Variants in UBLCP1 observed in about 807,000 individuals in gnomAD.
UBLCP1 encodes the protein ubiquitin-like domain-containing CTD phosphatase 1.
A neutral mutation model predicts 42.4 loss-of-function variants in UBLCP1; 28 were observed. The ratio of observed to expected loss-of-function variants is 0.66; its 90% CI spans 0.49 to 0.90. The LOEUF (loss-of-function observed/expected upper bound fraction) is 0.90, where lower values mean the gene tolerates loss of function less well. Ranked by LOEUF, UBLCP1 falls within the 40% of genes least tolerant of loss-of-function variation. The pLI is 0.00. For missense variants in UBLCP1, 279 were observed against 374.5 expected (o/e 0.75, Z 2.10); for synonymous variants, 122 against 120.8 (o/e 1.01, Z -0.07).
chr5:159,268,086 C>T (rs1434982093), intron 1 of UBLCP1, among the ~76,000 whole-genome samples: 2 of 152,168 alleles, frequency 1.3e-5, no homozygotes, highest in African/African-American at 2.4e-5. Context: ...ATTGTATAGC[C>T]TCTCAAAACT....
chr5:159,265,247 T>C (rs1335943897), intron 1 of UBLCP1, among the ~76,000 whole-genome samples: 2 of 152,208 alleles, frequency 1.3e-5, no homozygotes, highest in African/African-American at 4.8e-5. Context: ...TTTTTGGAAG[T>C]GGAGATTAAA....
chr5:159,283,167 C>T (rs1205771703), intron 9 of UBLCP1, 45 bp from the exon 10 acceptor site: 3 of 1,562,734 alleles, frequency 1.9e-6, no homozygotes, highest in African/African-American at 2.8e-5. Context: ...TGTTAGTTTT[C>T]CTTATCACAT....
chr5:159,285,060 T>G lies in UBLCP1; in HGVS notation c.*129T>G. The G allele has an allele frequency of 1.2e-6, 1 of 831,606 alleles. No individual in the cohort carries two copies. Among genetic ancestry groups the G allele is most frequent in the Non-Finnish European group, 1.9e-6 (1 of 532,212 alleles). 51.5% of individuals were successfully genotyped at this position (831,606 alleles called of 1,614,324 possible). ...ATACTGCTTATACTTGGTCTTCCAG[T>G]TTTTTGTAAATTTAATTTTATATTT... On this transcript the variant is annotated 3_prime_UTR_variant, in exon 11 of 11. Transcript: ENST00000296786.
rs1157459634 is a variant in UBLCP1 at position 159,285,654 on chromosome 5, T to C, written c.*723T>C. Reference sequence around the variant, plus strand: ...AAGAATAAAAACTAAGGAACAAGAATGAGTCTCTTTTTGGTGGCTAAGTAG... The same window carrying C: ...AAGAATAAAAACTAAGGAACAAGAACGAGTCTCTTTTTGGTGGCTAAGTAG... On this transcript the variant is annotated 3_prime_UTR_variant, in exon 11 of 11. Transcript: ENST00000296786. 1 of 152,308 alleles carries C rather than the reference T, an allele frequency of 6.6e-6. No individual in the cohort carries two copies. Among genetic ancestry groups the C allele is most frequent in the Admixed American group, 6.6e-5 (1 of 15,264 alleles). 9.4% of individuals were successfully genotyped at this position (152,308 alleles called of 1,614,324 possible).
intron 1 of UBLCP1, among the ~76,000 whole-genome samples, chr5:159,266,612 C>T (rs989220135): frequency 5.3e-5 from 8 of 152,222 alleles, no homozygotes; most frequent in Non-Finnish European, 1.2e-4. Context: ...AAAATGTCTC[C>T]AGGCTATGTC....
At chr5:159,266,758 C>T (rs1346740060) in intron 1 of UBLCP1, among the ~76,000 whole-genome samples, 1 of 152,224 alleles carries the variant, frequency 6.6e-6, no homozygotes, top group African/African-American at 2.4e-5. Flanking sequence ...GCCACTCCAG[C>T]CATGGCTGAA....
At chr5:159,264,289 C>T (rs1477173065) in intron 1 of UBLCP1, among the ~76,000 whole-genome samples, 2 of 152,198 alleles carry the variant, frequency 1.3e-5, no homozygotes, top group African/African-American at 4.8e-5. Flanking sequence ...CTTCACTCCT[C>T]CCCACACCCC....
chr5:159,276,076 G>A (rs1753532422), intron 8 of UBLCP1, among the ~76,000 whole-genome samples: 1 of 152,142 alleles, frequency 6.6e-6, no homozygotes, highest in Non-Finnish European at 1.5e-5. Context: ...CCTGTGATAG[G>A]CACTGTTGGG....
In UBLCP1 at chr5:159,264,001, A is replaced by C. The variant is rs182194069; in HGVS notation, c.-47+641A>C. ...CAGGATTGTGAAGCTTCAATGAGAT[A>C]ATTGTTTAGCATGTTTTTATTCCAT... On this transcript the variant is annotated intron_variant, in intron 1 of 10. Coordinates refer to ENST00000296786, the MANE Select transcript of UBLCP1 (RefSeq NM_145049.5). 2.3e-3 allele frequency among the ~76,000 whole-genome samples: 352 copies of C among 152,264 alleles called. 1 individual carries two copies. The highest frequency in any genetic ancestry group is 4.2e-3 in the Non-Finnish European group (286 of 68,022).
chr5:159,276,508 A>C (rs953195033), intron 8 of UBLCP1, among the ~76,000 whole-genome samples: 1 of 152,230 alleles, frequency 6.6e-6, no homozygotes, highest in African/African-American at 2.4e-5. Flanking sequence ...AAATCTTAAC[A>C]TTAAAAATTA....
intron 10 of UBLCP1, among the ~76,000 whole-genome samples, chr5:159,283,749 C>A (rs1405794983): frequency 2.0e-5 from 3 of 151,974 alleles, no homozygotes; most frequent in Non-Finnish European, 2.9e-5. Context: ...TTAAAAATTA[C>A]CAGTAACTTG....
chr5:159,268,911 C>G lies in UBLCP1; in HGVS notation c.-5C>G. The G allele has an allele frequency of 1.2e-6, 2 of 1,601,468 alleles. No individual in the cohort carries two copies. The highest frequency in any genetic ancestry group is 1.1e-5 in the South Asian group (1 of 87,274). On this transcript the variant is annotated 5_prime_UTR_variant, in exon 2 of 11. Transcript: ENST00000296786. ...AGGAAAGCTGCTTCCTCATATGTTT[C>G]AAGAATGGCTCTCCCTATCATTGTA...
chr5:159,285,064 T>C lies in UBLCP1; in HGVS notation c.*133T>C, dbSNP rs371825123. On this transcript the variant is annotated 3_prime_UTR_variant, in exon 11 of 11. Transcript: ENST00000296786. ...TGCTTATACTTGGTCTTCCAGTTTTTTGTAAATTTAATTTTATATTTTTTG... is the reference window on the plus strand; with the variant it reads ...TGCTTATACTTGGTCTTCCAGTTTTCTGTAAATTTAATTTTATATTTTTTG... The C allele has an allele frequency of 3.4e-5, 27 of 803,086 alleles. No homozygotes were observed. Among genetic ancestry groups the C allele is most frequent in the African/African-American group, 3.2e-4 (18 of 56,632 alleles). The allele number at this position is 803,086 out of a possible 1,614,324, so 49.7% of individuals were successfully genotyped here.
chr5:159,269,340 A>C (rs187192184), intron 2 of UBLCP1, among the ~76,000 whole-genome samples: 3 of 152,346 alleles, frequency 2.0e-5, no homozygotes, highest in Admixed American at 6.5e-5. Flanking sequence ...CCTTTGGCAC[A>C]GAAGTCCCGG....
intron 6 of UBLCP1, 82 bp from the exon 7 acceptor site, chr5:159,274,503 T>G (rs1411560197): frequency 8.1e-7 from 1 of 1,227,508 alleles, no homozygotes; most frequent in African/African-American, 1.5e-5. Flanking sequence ...TTAGTTTTGC[T>G]TAGAAAACTT....
chr5:159,278,171 A>T, intron 8 of UBLCP1, 67 bp from the exon 9 acceptor site: 1 of 1,129,490 alleles, frequency 8.9e-7, no homozygotes, highest in Non-Finnish European at 1.3e-6. Flanking sequence ...AGTTTGCAGT[A>T]TTCCTGCTTT....
intron 1 of UBLCP1, among the ~76,000 whole-genome samples, chr5:159,268,603 T>A (rs1753425876): frequency 6.6e-6 from 1 of 152,186 alleles, no homozygotes; most frequent in African/African-American, 2.4e-5. Flanking sequence ...ACAGGAGGAA[T>A]GGTAGCTCAT....
intron 7 of UBLCP1, 132 bp downstream of exon 7, chr5:159,274,754 T>C: frequency 1.3e-6 from 1 of 743,612 alleles, no homozygotes; most frequent in South Asian, 1.9e-5. Context: ...TTATTGGGAG[T>C]AGAGGTGTTT....
rs1584740951 is a variant in UBLCP1, at chr5:159,278,166, G to T, written c.685-72G>T. 7 of 1,024,384 alleles carry T rather than the reference G, an allele frequency of 6.8e-6. No individual in the cohort carries two copies. The East Asian group carries it at 1.7e-4, about 25-fold the overall frequency. The allele number at this position is 1,024,384 out of a possible 1,614,324, so 63.5% of individuals were successfully genotyped here. ...TTGGCATTGTTCTGCAGGGCAGTTT[G>T]CAGTATTCCTGCTTTTAAGACAGGA... On this transcript the variant is annotated intron_variant, in intron 8 of 10. Coordinates refer to ENST00000296786, the MANE Select transcript of UBLCP1 (RefSeq NM_145049.5).
Sources: allele counts gnomAD v4.1 joint callset (sites outside exome capture counted in the v4.1 genomes callset), GRCh38; gene constraint gnomAD v4.1.1; transcripts MANE v1.5; gene names NCBI Gene and HGNC (gene_info 2026-07-23, HGNC 2026-07-21).